The following AXDND1 variants were observed in gnomAD, a reference collection of about 807,000 sequenced individuals.
AXDND1 encodes the protein axonemal dynein light chain domain-containing protein 1.
Under a neutral mutation model 137.5 loss-of-function variants are expected in AXDND1, and 110 were observed. The observed-to-expected ratio is 0.80, with a 90% CI of 0.69 to 0.94. The LOEUF (loss-of-function observed/expected upper bound fraction) is 0.94. Among genes scored for constraint, AXDND1 ranks in the 40% least tolerant of loss-of-function variants. AXDND1 has a pLI of 0.00. For synonymous variants in AXDND1, 414 were observed against 399.7 expected (o/e 1.04, Z -0.43); for missense variants, 1,191 against 1,169.8 (o/e 1.02, Z -0.26).
intron 18 of AXDND1, among the ~76,000 whole-genome samples, chr1:179,489,741 C>CTTT (rs140787885): frequency 4.9e-5 from 5 of 101,266 alleles, no homozygotes; most frequent in African/African-American, 1.1e-4. Context: ...TACTACTTTT[C>CTTT]TTTTTTTTTT....
intron 20 of AXDND1, among the ~76,000 whole-genome samples, chr1:179,503,528 C>CT (rs910663713): frequency 2.0e-5 from 3 of 151,110 alleles, no homozygotes; most frequent in East Asian, 1.9e-4. Context: ...TTTTTTCAGA[C>CT]TTTTTTTTAA....
intron 25 of AXDND1, among the ~76,000 whole-genome samples, chr1:179,537,771 C>T (rs1387956581): frequency 6.6e-6 from 1 of 152,084 alleles, no homozygotes; most frequent in Non-Finnish European, 1.5e-5. Flanking sequence ...GGAATGGTAC[C>T]TGCTCCTCTT....
At chr1:179,459,431 C>T (rs2125433845) in intron 16 of AXDND1, among the ~76,000 whole-genome samples, 1 of 152,178 alleles carries the variant, frequency 6.6e-6, no homozygotes, top group Non-Finnish European at 1.5e-5. Flanking sequence ...AATAAATGCT[C>T]ATGAAAAAGT....
chr1:179,506,450 C>T (rs921232677), intron 20 of AXDND1, among the ~76,000 whole-genome samples: 2 of 152,168 alleles, frequency 1.3e-5, no homozygotes, highest in African/African-American at 2.4e-5. Context: ...TCCTCTATGC[C>T]GGCTGTGCAC....
rs772371106 is a variant in AXDND1 at position 179,393,861 on chromosome 1, C to T, written c.864-42C>T. 1.1e-5 allele frequency: 17 copies of T among 1,509,846 alleles called. No homozygotes were observed. The South Asian group carries it at 2.1e-4, about 19-fold the overall frequency. The allele number at this position is 1,509,846 out of a possible 1,614,324, so 93.5% of individuals were successfully genotyped here. A position where few individuals can be genotyped will look rare whatever the true frequency, so the allele number is the denominator to read the frequency against. On this transcript the variant is annotated intron_variant, in intron 9 of 25. Coordinates refer to ENST00000367618, the MANE Select transcript of AXDND1 (RefSeq NM_144696.6). ...TTGTAACCTGAGAATTTACTAAATT[C>T]ATTTATCAGATCTAGGAGCTTTTTG...
intron 17 of AXDND1, among the ~76,000 whole-genome samples, chr1:179,473,742 A>T (rs1031859307): frequency 6.6e-6 from 1 of 152,158 alleles, no homozygotes; most frequent in African/African-American, 2.4e-5. Context: ...CGCTGTTCTC[A>T]TGAGATCTGA....
At chr1:179,426,951 C>T (rs953049860) in intron 12 of AXDND1, among the ~76,000 whole-genome samples, 1 of 152,046 alleles carries the variant, frequency 6.6e-6, no homozygotes, top group Non-Finnish European at 1.5e-5. Flanking sequence ...GGCCTGATGT[C>T]AGGAGTTTGA....
Position 179,438,171 on chromosome 1 carries a change from A to AATAAAGAAATAC in AXDND1, c.1563+5834_1563+5835insGAAATACATAAA, listed in dbSNP as rs1553271457. On this transcript the variant is annotated intron_variant, in intron 15 of 25. Transcript: ENST00000367618. ...CATCTCAAAAATAAGTAAATAAATA[A>AATAAAGAAATAC]ATAAATAAATACATAAAAATAAAAC... 5.3e-3 allele frequency among the ~76,000 whole-genome samples: 800 copies of AATAAAGAAATAC among 151,430 alleles called. 10 individuals carry two copies. The highest frequency in any genetic ancestry group is 0.019 in the African/African-American group (776 of 41,172).
intron 25 of AXDND1, among the ~76,000 whole-genome samples, chr1:179,546,724 T>C (rs1303844209): frequency 6.6e-6 from 1 of 152,152 alleles, no homozygotes. Flanking sequence ...TAGTGCCGAG[T>C]TGGTACTGTT....
chr1:179,509,280 T>A lies in AXDND1; in HGVS notation c.2389-16T>A. The A allele has an allele frequency of 6.4e-7, 1 of 1,558,800 alleles. No individual in the cohort carries two copies. The highest frequency in any genetic ancestry group is 8.8e-7 in the Non-Finnish European group (1 of 1,136,036). On this transcript the variant is annotated splice_polypyrimidine_tract_variant and intron_variant, in intron 20 of 25. Coordinates refer to ENST00000367618, the MANE Select transcript of AXDND1 (RefSeq NM_144696.6). ...TGAGCTGGTTTTTCTGCTTGTAATCTTTTATCTCTTCTCAGAAAGAATGTT... is the reference window on the plus strand; with the variant it reads ...TGAGCTGGTTTTTCTGCTTGTAATCATTTATCTCTTCTCAGAAAGAATGTT...
At chr1:179,417,596 T>C (rs1157382883) in intron 12 of AXDND1, among the ~76,000 whole-genome samples, 2 of 152,188 alleles carry the variant, frequency 1.3e-5, no homozygotes, top group African/African-American at 4.8e-5. Context: ...GCCATTACCA[T>C]GCCGATTTGT....
intron 12 of AXDND1, among the ~76,000 whole-genome samples, chr1:179,428,497 T>C (rs1454780919): frequency 3.9e-5 from 6 of 152,264 alleles, no homozygotes; most frequent in Admixed American, 2.6e-4. Flanking sequence ...ATTTCTTATA[T>C]TAGTGGTTCT....
chr1:179,384,767 A>C (rs1338422771), intron 8 of AXDND1, among the ~76,000 whole-genome samples: 1 of 141,306 alleles, frequency 7.1e-6, no homozygotes, highest in Non-Finnish European at 1.6e-5. Flanking sequence ...AGAGGCACCA[A>C]TTTTTTTTTT....
At chr1:179,439,478 A>G (rs1658673637) in intron 15 of AXDND1, among the ~76,000 whole-genome samples, 2 of 152,040 alleles carry the variant, frequency 1.3e-5, no homozygotes, top group South Asian at 4.2e-4. Flanking sequence ...CCTGGAGCCT[A>G]CTCTCCCTGA....
chr1:179,393,866 A>G (rs377540247), intron 9 of AXDND1, 37 bp from the exon 10 acceptor site: 158 of 1,523,574 alleles, frequency 1.0e-4, no homozygotes, highest in Admixed American at 2.2e-5. Flanking sequence ...AAATTCATTT[A>G]TCAGATCTAG....
At chr1:179,435,160 G>A (rs1657964653) in intron 15 of AXDND1, among the ~76,000 whole-genome samples, 4 of 152,054 alleles carry the variant, frequency 2.6e-5, no homozygotes, top group Admixed American at 2.6e-4. Context: ...TCTTCAAGGA[G>A]AACTACAAAA....
chr1:179,541,649 C>CCTG (rs1183209530), intron 25 of AXDND1, among the ~76,000 whole-genome samples: 2 of 124,436 alleles, frequency 1.6e-5, no homozygotes, highest in East Asian at 5.2e-4. Flanking sequence ...ATAATATATG[C>CCTG]ATAATATATG....
At position 179,506,799 on chromosome 1, in the gene AXDND1, C is replaced by G. The variant is rs1303368677; in HGVS notation, c.2389-2497C>G. 4 of 957,698 alleles carry G rather than the reference C, an allele frequency of 4.2e-6. No individual in the cohort carries two copies. The African/African-American group carries it at 7.1e-5, about 17-fold the overall frequency. 59.3% of individuals were successfully genotyped at this position (957,698 alleles called of 1,614,324 possible). A position where few individuals can be genotyped will look rare whatever the true frequency, so the allele number is the denominator to read the frequency against. ...CTGCCCTGTGTAGTCTGCCATCCAC[C>G]TTGGACCACAATAGGCTTTCTTTAT... On this transcript the variant is annotated intron_variant, in intron 20 of 25. Transcript: ENST00000367618.
chr1:179,405,280 C>T (rs2125192440), intron 11 of AXDND1, among the ~76,000 whole-genome samples: 1 of 152,312 alleles, frequency 6.6e-6, no homozygotes, highest in South Asian at 2.1e-4. Flanking sequence ...CATAGTATTC[C>T]ATGGTGTATA....
Sources: allele counts gnomAD v4.1 joint callset (sites outside exome capture counted in the v4.1 genomes callset), GRCh38; gene constraint gnomAD v4.1.1; transcripts MANE v1.5; gene names NCBI Gene and HGNC (gene_info 2026-07-23, HGNC 2026-07-21).